DPYD: variants seen among roughly 807,000 people sequenced by gnomAD.
DPYD encodes dihydropyrimidine dehydrogenase [NADP(+)].
In DPYD, 109 loss-of-function variants were observed where a neutral mutation model predicts 116.2. The observed-to-expected ratio is 0.94, with a 90% CI of 0.80 to 1.10. The LOEUF is 1.10. DPYD is among the 50% of genes least tolerant of loss of function. DPYD has a pLI of 0.00. For missense variants in DPYD, 1,302 were observed against 1,254.5 expected, an observed-to-expected ratio of 1.04 and a Z score of -0.57; for synonymous variants, 440 against 432.0, an observed-to-expected ratio of 1.02 and a Z score of -0.23.
intron 20 of DPYD, among the ~76,000 whole-genome samples, chr1:97,185,651 AC>A (rs1247787542): frequency 9.2e-5 from 14 of 152,228 alleles, no homozygotes; most frequent in African/African-American, 3.1e-4. Flanking sequence ...ATGAACTAAT[AC>A]CTACAATAAT....
intron 16 of DPYD, among the ~76,000 whole-genome samples, chr1:97,363,143 G>T (rs994383931): frequency 2.0e-5 from 3 of 152,088 alleles, no homozygotes; most frequent in African/African-American, 4.8e-5. Context: ...GTGGGCAAAG[G>T]ATATGAACAG....
intron 14 of DPYD, among the ~76,000 whole-genome samples, chr1:97,383,379 A>G (rs1015409934): frequency 6.6e-6 from 1 of 151,676 alleles, no homozygotes; most frequent in Non-Finnish European, 1.5e-5. Flanking sequence ...CGGGAGGCAG[A>G]GACAGGAGAA....
Position 97,385,317 on chromosome 1 carries a change from A to AAGAG in DPYD, c.1906-2860_1906-2857dup, listed in dbSNP as rs1284918421. ...AAAAAAAAAAAAAAAAAAAAAAAAA[A>AAGAG]AGAGAGAGAGAGATTAAGGACCTTA... On this transcript the variant is annotated intron_variant, in intron 14 of 22. Transcript: ENST00000370192. Among the ~76,000 whole-genome samples the AAGAG allele has an allele frequency of 1.7e-4, 19 of 112,264 alleles. 1 individual carries two copies. Among genetic ancestry groups the AAGAG allele is most frequent in the East Asian group, 3.0e-4 (1 of 3,360 alleles). The allele number at this position is 112,264 out of a possible 152,430, so 73.6% of individuals were successfully genotyped here. A position where few individuals can be genotyped will look rare whatever the true frequency, so the allele number is the denominator to read the frequency against.
At chr1:97,285,981 T>C (rs1665652088) in intron 18 of DPYD, among the ~76,000 whole-genome samples, 1 of 152,222 alleles carries the variant, frequency 6.6e-6, no homozygotes, top group Non-Finnish European at 1.5e-5. Flanking sequence ...AGCTGGTTAT[T>C]TTGCTCATTA....
At chr1:97,694,010 GA>G (rs1661167820) in intron 6 of DPYD, among the ~76,000 whole-genome samples, 1 of 152,304 alleles carries the variant, frequency 6.6e-6, no homozygotes, top group African/African-American at 2.4e-5. Context: ...GAGAAAGGAG[GA>G]AGGGGCAGCC....
intron 21 of DPYD, among the ~76,000 whole-genome samples, chr1:97,091,974 T>C (rs996773350): frequency 2.0e-5 from 3 of 152,182 alleles, no homozygotes; most frequent in Admixed American, 6.5e-5. Context: ...CTTTGCACTT[T>C]CTGTTCATTC....
At chr1:97,729,395 A>G (rs963051889) in intron 4 of DPYD, among the ~76,000 whole-genome samples, 2 of 152,134 alleles carry the variant, frequency 1.3e-5, no homozygotes, top group African/African-American at 2.4e-5. Context: ...TTAACTGTGC[A>G]TGGATAAGAT....
chr1:97,206,067 A>G (rs1374431199), intron 19 of DPYD, among the ~76,000 whole-genome samples: 1 of 151,820 alleles, frequency 6.6e-6, no homozygotes, highest in Non-Finnish European at 1.5e-5. Context: ...TACAACTCAG[A>G]AACAGCCAAA....
intron 2 of DPYD, among the ~76,000 whole-genome samples, chr1:97,857,089 A>T (rs1325780142): frequency 1.3e-5 from 2 of 152,118 alleles, no homozygotes; most frequent in African/African-American, 4.8e-5. Flanking sequence ...TGCCCAGTAC[A>T]TCTTCCCCTG....
intron 2 of DPYD, among the ~76,000 whole-genome samples, chr1:97,863,697 T>A (rs1671233340): frequency 6.6e-6 from 1 of 151,898 alleles, no homozygotes; most frequent in Non-Finnish European, 1.5e-5. Context: ...CAATTCATTA[T>A]AACGCTAAGT....
At chr1:97,554,693 C>A (rs1176378271) in intron 11 of DPYD, among the ~76,000 whole-genome samples, 1 of 152,094 alleles carries the variant, frequency 6.6e-6, no homozygotes, top group African/African-American at 2.4e-5. Flanking sequence ...AGGGCCAGAA[C>A]CAGAGAATGC....
At chr1:97,653,741 T>C (rs1658728103) in intron 8 of DPYD, among the ~76,000 whole-genome samples, 1 of 152,154 alleles carries the variant, frequency 6.6e-6, no homozygotes, top group Non-Finnish European at 1.5e-5. Flanking sequence ...TCCTCTCACC[T>C]TTTTATAGGG....
intron 20 of DPYD, among the ~76,000 whole-genome samples, chr1:97,121,464 T>C (rs1381150648): frequency 6.6e-6 from 1 of 152,200 alleles, no homozygotes; most frequent in Admixed American, 6.6e-5. Context: ...TGCTGTTTAC[T>C]AAATAATCCT....
At chr1:97,372,412 G>A (rs1269080740) in intron 16 of DPYD, among the ~76,000 whole-genome samples, 2 of 151,978 alleles carry the variant, frequency 1.3e-5, no homozygotes, top group East Asian at 3.9e-4. Context: ...ACGATTCAAT[G>A]TCATGTTTTC....
chr1:97,199,201 C>T (rs886176147), intron 19 of DPYD, among the ~76,000 whole-genome samples: 3 of 152,092 alleles, frequency 2.0e-5, no homozygotes, highest in Non-Finnish European at 2.9e-5. Flanking sequence ...GTACTCAAAG[C>T]TGACTTAGTC....
chr1:97,827,394 G>A (rs1297566337), intron 3 of DPYD, among the ~76,000 whole-genome samples: 2 of 151,980 alleles, frequency 1.3e-5, no homozygotes, highest in Non-Finnish European at 2.9e-5. Context: ...ACTAACATTT[G>A]TTGTTTTCTC....
intron 19 of DPYD, among the ~76,000 whole-genome samples, chr1:97,231,406 C>T (rs1029923295): frequency 6.6e-6 from 1 of 152,156 alleles, no homozygotes; most frequent in African/African-American, 2.4e-5. Context: ...GTCTAATTGA[C>T]TCACAGTTCC....
intron 11 of DPYD, among the ~76,000 whole-genome samples, chr1:97,567,066 T>G (rs959113356): frequency 6.6e-6 from 1 of 152,148 alleles, no homozygotes; most frequent in African/African-American, 2.4e-5. Context: ...ATGGACACAT[T>G]TGAAAAATTC....
intron 16 of DPYD, among the ~76,000 whole-genome samples, chr1:97,362,690 C>G (rs1670802188): frequency 6.6e-6 from 1 of 152,068 alleles, no homozygotes; most frequent in Non-Finnish European, 1.5e-5. Context: ...CTGACGAAAA[C>G]AAGAAATGGG....
Sources: gnomAD v4.1 joint callset for allele counts (sites outside exome capture counted in the v4.1 genomes callset) on GRCh38, gnomAD v4.1.1 for gene constraint, MANE v1.5 for transcripts, NCBI Gene and HGNC (gene_info 2026-07-23, HGNC 2026-07-21) for gene names.